Variants in NGF observed in about 807,000 individuals in gnomAD.
The protein encoded by NGF is nerve growth factor, also known as beta-nerve growth factor.
A neutral mutation model predicts 12.8 loss-of-function variants in NGF; 4 were observed. The ratio of observed to expected loss-of-function variants is 0.31; its 90% CI spans 0.15 to 0.72. NGF has a LOEUF of 0.72. Ranked by LOEUF, NGF falls within the 30% of genes least tolerant of loss-of-function variation. The pLI is 0.69. For missense variants in NGF, 283 were observed against 330.8 expected (o/e 0.86, Z 1.12); for synonymous variants, 140 against 130.0 (o/e 1.08, Z -0.52).
intron 1 of NGF, among the ~76,000 whole-genome samples, chr1:115,335,063 A>G (rs1415523166): frequency 6.6e-6 from 1 of 152,224 alleles, no homozygotes; most frequent in Non-Finnish European, 1.5e-5. Flanking sequence ...CCTCAAAAGC[A>G]TGTAAAGTAG....
rs760350868 is a variant in NGF at position 115,286,595 on chromosome 1, G to C, written c.201C>G (p.Thr67=). ...AAIAARVAGQ[T]RNITVDPRLF... ...GCCTGGGGTCCACAGTAATGTTGCG[G>C]GTCTGCCCCGCCACGCGTGCAGCTA... The change falls in exon 3 of 3, where the codon ACC becomes ACG. Residue 67 remains threonine, a synonymous_variant. Transcript: ENST00000369512. 1.2e-6 allele frequency: 2 copies of C among 1,614,206 alleles called. No homozygotes were observed. The highest frequency in any genetic ancestry group is 8.5e-7 in the Non-Finnish European group (1 of 1,180,048).
rs781072056 is a variant in NGF, at chr1:115,286,650, C to A, written c.146G>T (p.Arg49Leu). The A allele has an allele frequency of 1.2e-6, 2 of 1,614,202 alleles. No homozygotes were observed. The highest frequency in any genetic ancestry group is 1.7e-6 in the Non-Finnish European group (2 of 1,180,040). Residue 49 changes from arginine (R) to leucine (L), a missense_variant, in exon 3 of 3, where the codon CGC becomes CTC. Coordinates refer to ENST00000369512, the MANE Select transcript of NGF (RefSeq NM_002506.3). ...CGCTGCCGGGGCGCTGCGGGCTCTG[C>A]GAAGGGCAGTGTCAAGGGAATGCTG... ...KLQHSLDTAL[R>L]RARSAPAAAI...
intron 2 of NGF, among the ~76,000 whole-genome samples, chr1:115,290,553 G>A (rs550815316): frequency 2.6e-3 from 389 of 151,830 alleles, no homozygotes; most frequent in African/African-American, 8.6e-3. Flanking sequence ...ACGCCGCCAC[G>A]CCTGGCTAAT....
intron 2 of NGF, among the ~76,000 whole-genome samples, chr1:115,293,133 C>T (rs1653753911): frequency 6.6e-6 from 1 of 152,022 alleles, no homozygotes; most frequent in South Asian, 2.1e-4. Flanking sequence ...CAATGAGAAA[C>T]CAGAGATGTA....
intron 2 of NGF, among the ~76,000 whole-genome samples, chr1:115,289,717 A>T (rs1247888251): frequency 6.6e-6 from 1 of 152,140 alleles, no homozygotes; most frequent in Non-Finnish European, 1.5e-5. Flanking sequence ...ATAGTTTCAC[A>T]GCTACCATCT....
chr1:115,309,296 G>A (rs970758155), intron 1 of NGF, among the ~76,000 whole-genome samples: 17 of 152,206 alleles, frequency 1.1e-4, no homozygotes, highest in African/African-American at 4.1e-4. Context: ...TACAGACACA[G>A]GGGAATAAAG....
rs1021514468 is a variant in NGF, at chr1:115,316,606, T to C, written c.-137+21598A>G. Among the ~76,000 whole-genome samples, 17 of 152,198 alleles carry C rather than the reference T, an allele frequency of 1.1e-4. 1 individual carries two copies. The highest frequency in any genetic ancestry group is 5.2e-4 in the Admixed American group (8 of 15,284). ...CACAGAGGAGGAAACTGAAGCTATA[T>C]ATACATGTTTGCTTATGTAAATATC... On this transcript the variant is annotated intron_variant, in intron 1 of 2. Transcript: ENST00000369512.
At position 115,286,084 on chromosome 1, in the gene NGF, C is replaced by T; in HGVS notation, c.712G>A (p.Val238Met). The T allele has an allele frequency of 6.2e-7, 1 of 1,613,298 alleles. No individual in the cohort carries two copies. The highest frequency in any genetic ancestry group is 8.5e-7 in the Non-Finnish European group (1 of 1,179,684). The change falls in exon 3 of 3, where the codon GTG (valine) becomes ATG (methionine). Residue 238 changes from valine to methionine, a missense_variant. This residue lies in a region of NGF where 132 missense variants were observed against 189.2 expected (regional missense o/e 0.70). Transcript: ENST00000369512. ...ACVCVLSRKA[V>M]RRA is the part of the protein sequence containing the mutation. ...GTGTCGGCAGGTCAGGCTCTTCTCA[C>T]AGCCTTCCTGCTGAGCACACACACA...
Position 115,337,267 on chromosome 1 carries a change from GTTTTTTTT to G in NGF, c.-137+929_-137+936del, listed in dbSNP as rs67307707. On this transcript the variant is annotated intron_variant, in intron 1 of 2. Transcript: ENST00000369512. ...TCGAAATTTTTTTTGTTTTGTTTTT[GTTTTTTTT>G]TTTTTTTTTTTTTTTTTTTTTTTTT... Among the ~76,000 whole-genome samples the G allele has an allele frequency of 7.5e-4, 61 of 81,022 alleles. 2 individuals are homozygous for G. Among genetic ancestry groups the G allele is most frequent in the East Asian group, 1.5e-3 (4 of 2,722 alleles). 53.2% of individuals were successfully genotyped at this position (81,022 alleles called of 152,430 possible). A position where few individuals can be genotyped will look rare whatever the true frequency, so the allele number is the denominator to read the frequency against.
chr1:115,329,171 G>C (rs1057202860), intron 1 of NGF, among the ~76,000 whole-genome samples: 1 of 152,010 alleles, frequency 6.6e-6, no homozygotes, highest in Non-Finnish European at 1.5e-5. Flanking sequence ...AATGGGCAAG[G>C]GGAAGGCAGA....
Position 115,286,145 on chromosome 1 carries a change from C to A in NGF, c.651G>T (p.Gln217His). 1 of 1,613,670 alleles carries A rather than the reference C, an allele frequency of 6.2e-7. No homozygotes were observed. The highest frequency in any genetic ancestry group is 8.5e-7 in the Non-Finnish European group (1 of 1,179,634). Residue 217 changes from glutamine to histidine, a missense_variant, in exon 3 of 3, where the codon CAG becomes CAT. Coordinates refer to ENST00000369512, the MANE Select transcript of NGF (RefSeq NM_002506.3). ...CTATCCGGATAAACCGCCAGGCAGC[C>A]TGCTTGCCATCCATGGTCAGCGCCT... ...FVKALTMDGK[Q>H]AAWRFIRIDT...
At chr1:115,299,224 G>A (rs1653962145) in intron 1 of NGF, among the ~76,000 whole-genome samples, 1 of 152,146 alleles carries the variant, frequency 6.6e-6, no homozygotes, top group Non-Finnish European at 1.5e-5. Context: ...TTGATGAAAA[G>A]TTTCAATGCT....
intron 1 of NGF, among the ~76,000 whole-genome samples, chr1:115,337,271 T>G (rs12070188): frequency 0.21 from 8,320 of 39,404 alleles, 513 homozygotes; most frequent in East Asian, 0.47. Context: ...GTTTTTGTTT[T>G]TTTTTTTTTT....
At chr1:115,309,160 C>T (rs1289176631) in intron 1 of NGF, among the ~76,000 whole-genome samples, 1 of 152,096 alleles carries the variant, frequency 6.6e-6, no homozygotes, top group African/African-American at 2.4e-5. Context: ...TAATAAGACC[C>T]CTTTGTTATG....
chr1:115,337,255 TGTTTTG>T (rs1557950691), intron 1 of NGF, among the ~76,000 whole-genome samples: 15 of 138,606 alleles, frequency 1.1e-4, no homozygotes, highest in African/African-American at 3.6e-4. Context: ...AAATTTTTTT[TGTTTTG>T]TTTTTGTTTT....
intron 2 of NGF, among the ~76,000 whole-genome samples, chr1:115,287,814 G>C (rs559589091): frequency 6.6e-6 from 1 of 152,106 alleles, no homozygotes; most frequent in Non-Finnish European, 1.5e-5. Flanking sequence ...CTGTCCCCAA[G>C]AGGACTCCAT....
intron 2 of NGF, among the ~76,000 whole-genome samples, chr1:115,291,205 G>A (rs1436826973): frequency 6.6e-6 from 1 of 151,996 alleles, no homozygotes; most frequent in East Asian, 1.9e-4. Context: ...ATTTACTCAT[G>A]AGAGTGTGTT....
chr1:115,301,609 G>A (rs924339290), intron 1 of NGF, among the ~76,000 whole-genome samples: 1 of 152,182 alleles, frequency 6.6e-6, no homozygotes, highest in Admixed American at 6.5e-5. Context: ...TTGTGTCCCA[G>A]TCGTGATTGG....
chr1:115,300,808 C>T (rs1037504495), intron 1 of NGF, among the ~76,000 whole-genome samples: 3 of 152,182 alleles, frequency 2.0e-5, no homozygotes, highest in Admixed American at 6.5e-5. Context: ...TGTCAGGGGG[C>T]TTTGTGCTGT....
Sources: allele counts gnomAD v4.1 joint callset (sites outside exome capture counted in the v4.1 genomes callset), GRCh38; gene constraint gnomAD v4.1.1; regional missense constraint gnomAD v4.1.1; transcripts MANE v1.5; gene names NCBI Gene and HGNC (gene_info 2026-07-23, HGNC 2026-07-21).